GALNTL6: variants seen among roughly 807,000 people sequenced by gnomAD.
The protein encoded by GALNTL6 is polypeptide N-acetylgalactosaminyltransferase-like 6.
A neutral mutation model predicts 73.7 loss-of-function variants in GALNTL6; 46 were observed. That is an observed-to-expected ratio of 0.62 (90% confidence interval 0.49 to 0.80). The LOEUF is 0.80. Ranked by LOEUF, GALNTL6 falls within the 30% of genes least tolerant of loss-of-function variation. GALNTL6 has a pLI of 0.00. For synonymous variants in GALNTL6, 259 were observed against 263.7 expected (o/e 0.98, Z 0.17); for missense variants, 604 against 755.0 (o/e 0.80, Z 2.34).
chr4:172,725,187 A>T (rs1395296374), intron 5 of GALNTL6, among the ~76,000 whole-genome samples: 1 of 152,210 alleles, frequency 6.6e-6, no homozygotes, highest in African/African-American at 2.4e-5. Flanking sequence ...CAACATTTGC[A>T]TGTATAGGAG....
intron 7 of GALNTL6, among the ~76,000 whole-genome samples, chr4:172,859,999 T>G (rs1744317277): frequency 6.6e-6 from 1 of 152,206 alleles, no homozygotes; most frequent in South Asian, 2.1e-4. Context: ...CATTACAATG[T>G]CATAATAATA....
chr4:172,160,906 ACACATACACACACACACACT>A (rs1734442422), intron 2 of GALNTL6, among the ~76,000 whole-genome samples: 1 of 54,068 alleles, frequency 1.8e-5, no homozygotes, highest in Admixed American at 2.0e-4. Context: ...ACACACACAC[ACACATACACACACACACACT>A]CACACACATA....
chr4:171,882,063 C>T (rs1736466234), intron 2 of GALNTL6, among the ~76,000 whole-genome samples: 1 of 152,100 alleles, frequency 6.6e-6, no homozygotes, highest in Non-Finnish European at 1.5e-5. Context: ...CTCTTGATAC[C>T]ATCTGTTCTT....
chr4:172,087,911 ATAGT>A (rs1478959095), intron 2 of GALNTL6, among the ~76,000 whole-genome samples: 1 of 152,180 alleles, frequency 6.6e-6, no homozygotes, highest in East Asian at 1.9e-4. Context: ...TAGTTAAAAC[ATAGT>A]TAAATAATTT....
At chr4:173,033,572 AC>A (rs1453584633) in intron 12 of GALNTL6, among the ~76,000 whole-genome samples, 1 of 152,080 alleles carries the variant, frequency 6.6e-6, no homozygotes, top group African/African-American at 2.4e-5. Flanking sequence ...CTTCTGCACA[AC>A]CCTAAGAGGT....
chr4:172,868,406 A>G (rs1744765366), intron 7 of GALNTL6, among the ~76,000 whole-genome samples: 6 of 152,224 alleles, frequency 3.9e-5, no homozygotes, highest in Admixed American at 3.3e-4. Flanking sequence ...ATGAAAAAGG[A>G]TATGAATACA....
chr4:172,230,674 CA>C (rs1347030244), intron 3 of GALNTL6, among the ~76,000 whole-genome samples: 2 of 152,014 alleles, frequency 1.3e-5, no homozygotes, highest in Admixed American at 6.5e-5. Context: ...AAGGGTATAT[CA>C]GTAGAAATCC....
chr4:171,927,065 T>C (rs1427084742), intron 2 of GALNTL6, among the ~76,000 whole-genome samples: 1 of 152,082 alleles, frequency 6.6e-6, no homozygotes, highest in East Asian at 1.9e-4. Context: ...GTGGTGATTT[T>C]TTTCTTTGTA....
chr4:171,925,404 A>T (rs1335502007), intron 2 of GALNTL6, among the ~76,000 whole-genome samples: 1 of 152,222 alleles, frequency 6.6e-6, no homozygotes, highest in Non-Finnish European at 1.5e-5. Context: ...AGACAAAGGA[A>T]GTAGAAACTA....
chr4:172,176,337 C>CATAAAAAAAAA (rs1734996005), intron 2 of GALNTL6, among the ~76,000 whole-genome samples: 1 of 31,362 alleles, frequency 3.2e-5, no homozygotes, highest in Non-Finnish European at 5.2e-5. Flanking sequence ...GACTCCGTCT[C>CATAAAAAAAAA]AAAAAAAAAA....
intron 5 of GALNTL6, among the ~76,000 whole-genome samples, chr4:172,530,056 A>G (rs1312926457): frequency 6.6e-6 from 1 of 151,690 alleles, no homozygotes; most frequent in Non-Finnish European, 1.5e-5. Flanking sequence ...AATTCATTTT[A>G]TATCCTGAAT....
At chr4:171,824,236 CATCGGAAAT>C (rs1257330849) in intron 2 of GALNTL6, among the ~76,000 whole-genome samples, 2 of 151,560 alleles carry the variant, frequency 1.3e-5, no homozygotes. Context: ...ATTACAACTG[CATCGGAAAT>C]ATCCTAGGTC....
At chr4:172,280,814 A>G (rs1317287244) in intron 3 of GALNTL6, among the ~76,000 whole-genome samples, 1 of 152,094 alleles carries the variant, frequency 6.6e-6, no homozygotes, top group Non-Finnish European at 1.5e-5. Flanking sequence ...ATATTTCTGT[A>G]TTAGTTTTCT....
chr4:172,709,063 T>A (rs1288163487), intron 5 of GALNTL6, among the ~76,000 whole-genome samples: 1 of 152,204 alleles, frequency 6.6e-6, no homozygotes. Context: ...TACTCCTTCA[T>A]TTCATGTTTT....
rs560741602 is a variant in GALNTL6 at position 172,375,741 on chromosome 4, A to G, written c.553+27052A>G. Among the ~76,000 whole-genome samples the G allele has an allele frequency of 1.9e-4, 29 of 152,188 alleles. 1 individual carries two copies. In the South Asian group the frequency reaches 6.0e-3, roughly 32 times the overall value. ...GGCCCTTACTGATGCATTCTTGAAA[A>G]CCTGCACTCTTGCCTGTCCTCCTAG... On this transcript the variant is annotated intron_variant, in intron 5 of 12. Transcript: ENST00000506823.
At chr4:171,814,969 C>T (rs1191413338) in intron 2 of GALNTL6, 2 of 559,168 alleles carry the variant, frequency 3.6e-6, no homozygotes, top group Non-Finnish European at 6.3e-6. Context: ...GATAATCTTT[C>T]ACCATTGGTC....
At chr4:172,779,710 T>C (rs1739274833) in intron 5 of GALNTL6, among the ~76,000 whole-genome samples, 1 of 152,240 alleles carries the variant, frequency 6.6e-6, no homozygotes, top group African/African-American at 2.4e-5. Flanking sequence ...AAAGCCCATC[T>C]GTAAAAAGCT....
At chr4:172,046,043 A>C (rs1360127366) in intron 2 of GALNTL6, among the ~76,000 whole-genome samples, 5 of 152,076 alleles carry the variant, frequency 3.3e-5, no homozygotes, top group African/African-American at 7.2e-5. Context: ...TTTTTAAGGC[A>C]GAATACTATT....
chr4:172,984,717 T>C (rs920925281), intron 10 of GALNTL6, among the ~76,000 whole-genome samples: 2 of 152,158 alleles, frequency 1.3e-5, no homozygotes, highest in Admixed American at 6.5e-5. Context: ...CTCAGTATCA[T>C]GCAGTATCCT....
Sources: gnomAD v4.1 joint callset for allele counts (sites outside exome capture counted in the v4.1 genomes callset) on GRCh38, gnomAD v4.1.1 for gene constraint, MANE v1.5 for transcripts, NCBI Gene and HGNC (gene_info 2026-07-23, HGNC 2026-07-21) for gene names.